Variants in TENM4 observed in about 807,000 individuals in gnomAD.
The protein encoded by TENM4 is teneurin transmembrane protein 4, also known as teneurin-4.
Under a neutral mutation model 243.3 loss-of-function variants are expected in TENM4, and 82 were observed. The observed-to-expected ratio is 0.34, with a 90% CI of 0.28 to 0.40. The LOEUF is 0.40. Among genes scored for constraint, TENM4 ranks in the 10% least tolerant of loss-of-function variants. TENM4 has a pLI of 1.00. For synonymous variants in TENM4, 1,412 were observed against 1,456.3 expected (o/e 0.97, Z 0.69); for missense variants, 3,138 against 3,673.3 (o/e 0.85, Z 3.77).
chr11:78,689,832 G>T (rs1858775475), intron 28 of TENM4, among the ~76,000 whole-genome samples: 1 of 152,334 alleles, frequency 6.6e-6, no homozygotes. Flanking sequence ...TGCCACAGAG[G>T]AGGCATTGGT....
chr11:78,744,972 G>C (rs1856013343), intron 19 of TENM4, among the ~76,000 whole-genome samples: 1 of 152,146 alleles, frequency 6.6e-6, no homozygotes, highest in Non-Finnish European at 1.5e-5. Flanking sequence ...AGTAGAAGAA[G>C]TATCAGCTCT....
intron 2 of TENM4, among the ~76,000 whole-genome samples, chr11:79,246,957 C>A (rs1855526797): frequency 6.6e-6 from 1 of 150,816 alleles, no homozygotes; most frequent in Admixed American, 6.6e-5. Flanking sequence ...ATGTGTTGTG[C>A]CCTTTTCTGG....
At chr11:78,809,973 C>CTCCTCCCCCAACTCCTTCCCAG in intron 14 of TENM4, among the ~76,000 whole-genome samples, 1 of 152,210 alleles carries the variant, frequency 6.6e-6, no homozygotes, top group African/African-American at 2.4e-5. Flanking sequence ...TTCTTTTCTG[C>CTCCTCCCCCAACTCCTTCCCAG]TCCTCCCCCA....
At chr11:79,121,761 T>A (rs898474405) in intron 4 of TENM4, among the ~76,000 whole-genome samples, 2 of 152,224 alleles carry the variant, frequency 1.3e-5, no homozygotes, top group Admixed American at 1.3e-4. Flanking sequence ...CAGGTGGTGG[T>A]GGAAAGAGTT....
intron 6 of TENM4, among the ~76,000 whole-genome samples, chr11:79,040,209 G>A (rs1197049980): frequency 6.6e-6 from 1 of 152,124 alleles, no homozygotes; most frequent in Admixed American, 6.5e-5. Context: ...CTGAGCTTCA[G>A]TTTCTTTTTT....
chr11:79,299,304 G>C (rs1164952855), intron 1 of TENM4, among the ~76,000 whole-genome samples: 1 of 152,074 alleles, frequency 6.6e-6, no homozygotes, highest in East Asian at 1.9e-4. Context: ...TCTATGTCAA[G>C]AAAGTCACTA....
At chr11:79,163,697 A>G (rs1010153780) in intron 3 of TENM4, among the ~76,000 whole-genome samples, 1 of 151,550 alleles carries the variant, frequency 6.6e-6, no homozygotes, top group Non-Finnish European at 1.5e-5. Context: ...AACTCCATCC[A>G]GGTTGCTGCA....
intron 4 of TENM4, among the ~76,000 whole-genome samples, chr11:79,129,319 G>A (rs1209216941): frequency 6.6e-6 from 1 of 152,218 alleles, no homozygotes; most frequent in African/African-American, 2.4e-5. Context: ...TCCACAGGGA[G>A]AAGGAAATCT....
chr11:79,170,313 C>G (rs912642211), intron 3 of TENM4, among the ~76,000 whole-genome samples: 1 of 152,260 alleles, frequency 6.6e-6, no homozygotes, highest in South Asian at 2.1e-4. Context: ...GCCTATGATG[C>G]AAAATGGCAG....
intron 4 of TENM4, among the ~76,000 whole-genome samples, chr11:79,135,766 A>ATATATACATATATATGATATATATCAT (rs1386739388): frequency 7.9e-6 from 1 of 126,754 alleles, no homozygotes; most frequent in Non-Finnish European, 1.6e-5. Context: ...TGTATATATC[A>ATATATACATATATATGATATATATCAT]TATATACATA....
intron 3 of TENM4, among the ~76,000 whole-genome samples, chr11:79,162,146 C>T (rs1862760002): frequency 6.6e-6 from 1 of 152,162 alleles, no homozygotes; most frequent in Non-Finnish European, 1.5e-5. Flanking sequence ...ACCCTGTGTG[C>T]AGATCTAAAG....
chr11:79,007,231 T>C (rs1329034871), intron 6 of TENM4, among the ~76,000 whole-genome samples: 2 of 152,172 alleles, frequency 1.3e-5, no homozygotes, highest in African/African-American at 2.4e-5. Context: ...ATTTGAATGG[T>C]TTTACTTGAC....
chr11:78,863,748 A>T lies in TENM4; in HGVS notation c.1085-616T>A, dbSNP rs545466188. Among the ~76,000 whole-genome samples the T allele has an allele frequency of 2.6e-4, 39 of 152,374 alleles. No individual in the cohort carries two copies. The South Asian group carries it at 3.7e-3, about 15-fold the overall frequency. The stretch of plus-strand genomic sequence containing the variant: ...TTTTACTGGTGTGAGAATATAATGT[A>T]CAAAATCTATGGAGGGCAATTTGAT... On this transcript the variant is annotated intron_variant, in intron 9 of 33. Coordinates refer to ENST00000278550, the MANE Select transcript of TENM4 (RefSeq NM_001098816.3).
chr11:79,054,296 C>A (rs1859882965), intron 6 of TENM4, among the ~76,000 whole-genome samples: 1 of 152,190 alleles, frequency 6.6e-6, no homozygotes, highest in African/African-American at 2.4e-5. Context: ...GATTAAGCCT[C>A]TGATCCCGGA....
At position 78,669,456 on chromosome 11, in the gene TENM4, C is replaced by T; in HGVS notation, c.6889G>A (p.Gly2297Arg). ...CTGCTCTTGCTGGACACGCGCCGCC[C>T]CAGGCCATCGTAGCGGTACCTGACA... Reference protein sequence around the residue: ...WSVRYRYDGLGRRVSSKSSHS... With the variant: ...WSVRYRYDGLRRRVSSKSSHS... The change falls in exon 32 of 34, where the codon GGG (glycine) becomes AGG (arginine). Residue 2297 changes from glycine (G) to arginine (R), a missense_variant. Transcript: ENST00000278550. The surrounding 1 kb of genome is among the most constrained non-coding windows in gnomAD (Gnocchi z 6.4). The T allele has an allele frequency of 1.2e-6, 2 of 1,613,198 alleles. No homozygotes were observed. Among genetic ancestry groups the T allele is most frequent in the Non-Finnish European group, 1.7e-6 (2 of 1,179,456 alleles).
At chr11:79,431,750 C>A (rs575125320) in intron 1 of TENM4, among the ~76,000 whole-genome samples, 1 of 152,198 alleles carries the variant, frequency 6.6e-6, no homozygotes, top group Non-Finnish European at 1.5e-5. Flanking sequence ...ACATTCAGTA[C>A]GTGGCATACC....
At chr11:79,304,545 G>A (rs1856596938) in intron 1 of TENM4, among the ~76,000 whole-genome samples, 1 of 152,062 alleles carries the variant, frequency 6.6e-6, no homozygotes, top group Admixed American at 6.5e-5. Context: ...TGCTCACTTT[G>A]GTTTTCTTCA....
At chr11:78,763,251 C>A (rs530870725) in intron 18 of TENM4, among the ~76,000 whole-genome samples, 1 of 152,188 alleles carries the variant, frequency 6.6e-6, no homozygotes. Context: ...AAACACACAC[C>A]CCCTTTTACA....
At chr11:78,810,499 C>T (rs1857475520) in intron 14 of TENM4, among the ~76,000 whole-genome samples, 1 of 152,122 alleles carries the variant, frequency 6.6e-6, no homozygotes, top group African/African-American at 2.4e-5. Context: ...AGGGTCTTCA[C>T]CTCAAGTGAC....
Sources: allele counts gnomAD v4.1 joint callset (sites outside exome capture counted in the v4.1 genomes callset), GRCh38; gene constraint gnomAD v4.1.1; non-coding constraint Gnocchi (gnomAD v3.1); transcripts MANE v1.5; gene names NCBI Gene and HGNC (gene_info 2026-07-23, HGNC 2026-07-21).